The following ADAM7 variants were observed in gnomAD, a reference collection of about 807,000 sequenced individuals.
ADAM7 encodes the protein disintegrin and metalloproteinase domain-containing protein 7.
A neutral mutation model predicts 102.9 loss-of-function variants in ADAM7; 97 were observed. The observed-to-expected ratio is 0.94, with a 90% CI of 0.80 to 1.12. ADAM7 has a LOEUF of 1.12. ADAM7 is among the 50% of genes most tolerant of loss of function. The pLI, the probability that ADAM7 is intolerant of heterozygous loss-of-function variation, is 0.00. For synonymous variants in ADAM7, 334 were observed against 304.4 expected (o/e 1.10, Z -1.01); for missense variants, 991 against 908.7 (o/e 1.09, Z -1.16).
At chr8:24,502,254 T>G (rs151282527) in intron 20 of ADAM7, among the ~76,000 whole-genome samples, 1 of 152,172 alleles carries the variant, frequency 6.6e-6, no homozygotes, top group South Asian at 2.1e-4. Flanking sequence ...TGCCAAAACA[T>G]GCAGGTGTAG....
intron 6 of ADAM7, 40 bp downstream of exon 6, chr8:24,467,028 CTTTTA>C (rs1563381085): frequency 3.3e-6 from 5 of 1,533,010 alleles, no homozygotes; most frequent in Non-Finnish European, 4.5e-6. Context: ...AATGAAACAC[CTTTTA>C]TTTTCTTGAT....
At chr8:24,469,161 T>C (rs1819525162) in intron 7 of ADAM7, among the ~76,000 whole-genome samples, 1 of 151,904 alleles carries the variant, frequency 6.6e-6, no homozygotes, top group Non-Finnish European at 1.5e-5. Context: ...ATCAGAACAG[T>C]GAGTAAAATT....
chr8:24,469,235 A>C (rs59801156), intron 7 of ADAM7, among the ~76,000 whole-genome samples: 1,810 of 152,262 alleles, frequency 0.012, 32 homozygotes, highest in African/African-American at 0.04. Flanking sequence ...AATTGAATGT[A>C]AACCCCTGAG....
At chr8:24,484,742 T>C (rs1158718064) in intron 9 of ADAM7, among the ~76,000 whole-genome samples, 1 of 151,970 alleles carries the variant, frequency 6.6e-6, no homozygotes, top group African/African-American at 2.4e-5. Flanking sequence ...ATTTTTTGAT[T>C]TGTATTTTTT....
chr8:24,500,822 G>A lies in ADAM7; in HGVS notation c.2035G>A (p.Val679Ile). 6.2e-7 allele frequency: 1 copy of A among 1,613,326 alleles called. No individual in the cohort carries two copies. The highest frequency in any genetic ancestry group is 8.5e-7 in the Non-Finnish European group (1 of 1,179,512). The change falls in exon 19 of 22, where the codon GTT (valine) becomes ATT (isoleucine). Residue 679 changes from valine to isoleucine, a missense_variant. Val to Ile is a conservative substitution (Grantham distance 29). Transcript: ENST00000175238. ...CATCTTGGTTGTTGTGCTTGTCCTG[G>A]TTATTGTCGGTATCGGAGTTCTTAT... ...ITILVVVLVL[V>I]IVGIGVLILL... is the part of the protein sequence containing the mutation.
chr8:24,456,033 T>A (rs1301422054), intron 3 of ADAM7, among the ~76,000 whole-genome samples: 1 of 152,166 alleles, frequency 6.6e-6, no homozygotes, highest in Non-Finnish European at 1.5e-5. Context: ...TTAAGTAAAT[T>A]CACCATGCGG....
intron 16 of ADAM7, among the ~76,000 whole-genome samples, chr8:24,496,436 T>A (rs1019195501): frequency 2.6e-5 from 4 of 152,192 alleles, no homozygotes; most frequent in African/African-American, 9.6e-5. Flanking sequence ...GCCAATGTCC[T>A]CCAGACCCTG....
At chr8:24,476,324 T>C in intron 7 of ADAM7, 109 bp from the exon 8 acceptor site, 1 of 735,194 alleles carries the variant, frequency 1.4e-6, no homozygotes, top group Non-Finnish European at 2.1e-6. Flanking sequence ...TCTTTCTTCA[T>C]TAGGCCAATG....
Position 24,490,820 on chromosome 8 carries a change from G to A in ADAM7, c.1288G>A (p.Asp430Asn). The A allele has an allele frequency of 1.2e-6, 2 of 1,613,708 alleles. No individual in the cohort carries two copies. The highest frequency in any genetic ancestry group is 8.5e-7 in the Non-Finnish European group (1 of 1,179,742). Residue 430 changes from aspartate to asparagine, a missense_variant, in exon 13 of 22, where the codon GAT (aspartate) becomes AAT (asparagine). Asp to Asn is a conservative substitution (Grantham distance 23). Transcript: ENST00000175238. ...PAQECTNPCC[D>N]AHTCVLKPGF... ...CCAGGAGTGTACTAATCCTTGCTGT[G>A]ATGCACACACATGTGTACTGAAGCC... is the stretch of plus-strand genomic sequence containing the variant.
chr8:24,467,261 A>G, intron 6 of ADAM7: 1 of 483,574 alleles, frequency 2.1e-6, no homozygotes, highest in South Asian at 4.0e-5. Flanking sequence ...AAATCATGAA[A>G]TTTTCAATGT....
chr8:24,444,199 T>C (rs1035280967), intron 2 of ADAM7, among the ~76,000 whole-genome samples: 3 of 150,312 alleles, frequency 2.0e-5, no homozygotes, highest in Non-Finnish European at 4.4e-5. Context: ...CTTTGTATTA[T>C]GACATGAAGT....
intron 21 of ADAM7, among the ~76,000 whole-genome samples, 186 bp downstream of exon 21, chr8:24,507,721 A>C (rs1468053410): frequency 1.3e-5 from 2 of 151,986 alleles, no homozygotes; most frequent in Middle Eastern, 3.4e-3. Flanking sequence ...AATTCTGCTA[A>C]GGATGTTTTA....
intron 18 of ADAM7, 29 bp from the exon 19 acceptor site, chr8:24,500,761 G>T (rs746647780): frequency 1.9e-6 from 3 of 1,567,634 alleles, no homozygotes; most frequent in Admixed American, 1.7e-5. Flanking sequence ...TGATACCCTC[G>T]ATGAAGCCCA....
chr8:24,444,844 T>G (rs928098503), intron 2 of ADAM7, among the ~76,000 whole-genome samples: 15 of 152,066 alleles, frequency 9.9e-5, no homozygotes, highest in African/African-American at 3.4e-4. Flanking sequence ...CTATAATTAA[T>G]AGTAGTTTAT....
At chr8:24,465,268 A>G (rs1239067341) in intron 4 of ADAM7, among the ~76,000 whole-genome samples, 1 of 152,226 alleles carries the variant, frequency 6.6e-6, no homozygotes. Flanking sequence ...TGGGAAAAAT[A>G]ATTACCTGAT....
At chr8:24,493,255 TA>T (rs1820431236) in intron 16 of ADAM7, 26 bp downstream of exon 16, 1 of 1,549,478 alleles carries the variant, frequency 6.5e-7, no homozygotes. Context: ...TTTGTTTTAT[TA>T]AAACTTCTTA....
chr8:24,483,204 GT>G (rs778894958), intron 9 of ADAM7, among the ~76,000 whole-genome samples: 1 of 152,058 alleles, frequency 6.6e-6, no homozygotes, highest in African/African-American at 2.4e-5. Context: ...TATCATTTTT[GT>G]TATTCAAGAT....
chr8:24,451,422 C>G (rs921775902), intron 3 of ADAM7, among the ~76,000 whole-genome samples: 19 of 152,156 alleles, frequency 1.2e-4, no homozygotes, highest in African/African-American at 4.1e-4. Flanking sequence ...TCTAGATTTT[C>G]TAGTTTATTT....
At chr8:24,460,968 G>A (rs1819221896) in intron 3 of ADAM7, among the ~76,000 whole-genome samples, 1 of 151,900 alleles carries the variant, frequency 6.6e-6, no homozygotes, top group Admixed American at 6.6e-5. Flanking sequence ...GCATAGATCT[G>A]TGGCAAAAAT....
Sources: allele counts gnomAD v4.1 joint callset (sites outside exome capture counted in the v4.1 genomes callset), GRCh38; gene constraint gnomAD v4.1.1; transcripts MANE v1.5; gene names NCBI Gene and HGNC (gene_info 2026-07-23, HGNC 2026-07-21).